CPLANE1: variants seen among roughly 807,000 people sequenced by gnomAD.
CPLANE1 encodes ciliogenesis and planar polarity effector 1.
CPLANE1 carries 263 observed loss-of-function variants against 362.5 expected under a neutral mutation model. That is an observed-to-expected ratio of 0.73 (90% CI 0.66 to 0.80). The LOEUF is 0.80. Ranked by LOEUF, CPLANE1 falls within the 30% of genes least tolerant of loss-of-function variation. The pLI is 0.00. For synonymous variants in CPLANE1, 1,212 were observed against 1,302.6 expected (o/e 0.93, Z 1.50); for missense variants, 3,461 against 3,793.4 (o/e 0.91, Z 2.30).
intron 32 of CPLANE1, 152 bp from the exon 33 acceptor site, chr5:37,170,483 AT>A (rs569232515): frequency 0.18 from 105,870 of 593,952 alleles, 157 homozygotes; most frequent in Middle Eastern, 0.25. Context: ...AGTCAGGGAA[AT>A]TTTTTTTTTT....
At chr5:37,245,949 T>G (rs1184279689) in intron 2 of CPLANE1, 104 bp from the exon 3 acceptor site, 19 of 1,111,132 alleles carry the variant, frequency 1.7e-5, no homozygotes, top group Non-Finnish European at 2.3e-5. Context: ...TAAGAAAGAT[T>G]ATCCATTTGT....
intron 12 of CPLANE1, 142 bp from the exon 13 acceptor site, chr5:37,224,882 C>A: frequency 1.9e-5 from 9 of 466,968 alleles, no homozygotes; most frequent in South Asian, 1.3e-4. Context: ...AAATATAGTG[C>A]AAAATAAAAT....
At chr5:37,157,494 G>T (rs1241423447) in intron 40 of CPLANE1, 74 bp from the exon 41 acceptor site, 2 of 1,213,522 alleles carry the variant, frequency 1.6e-6, no homozygotes, top group African/African-American at 3.0e-5. Context: ...TTCAAAGACT[G>T]ATTCTAAACT....
downstream of CPLANE1, among the ~76,000 whole-genome samples, chr5:37,103,879 T>C (rs1757415797): frequency 6.6e-6 from 1 of 152,168 alleles, no homozygotes; most frequent in East Asian, 1.9e-4. Flanking sequence ...GAACTGGGGT[T>C]CTCAGGATTT....
At chr5:37,205,544 A>C in intron 17 of CPLANE1, 90 bp from the exon 18 acceptor site, 6 of 873,052 alleles carry the variant, frequency 6.9e-6, no homozygotes, top group Non-Finnish European at 1.0e-5. Flanking sequence ...TGAAAGTTTA[A>C]GAAACAATGG....
chr5:37,224,295 C>A lies in CPLANE1; in HGVS notation c.2539G>T (p.Val847Phe), dbSNP rs1426431422. Residue 847 changes from valine (V) to phenylalanine (F), a missense_variant, in exon 14 of 53, where the codon GTT becomes TTT. Physicochemically the swap from Val to Phe is conservative, Grantham distance 50 (BLOSUM62 -1). Transcript: ENST00000651892. ...TGTAGAGCTTTTTTCCACAGCTGAA[C>A]AGACTTTTCATATGATCCTAATAAA... ...CFLLGSYEKSVQLWKKALQEI... is the reference protein window; with the variant it reads ...CFLLGSYEKSFQLWKKALQEI... The A allele has an allele frequency of 3.2e-6, 5 of 1,549,694 alleles. No homozygotes were observed. The highest frequency in any genetic ancestry group is 4.4e-6 in the Non-Finnish European group (5 of 1,146,274).
At chr5:37,138,158 C>A (rs188312619) in intron 46 of CPLANE1, among the ~76,000 whole-genome samples, 1 of 152,262 alleles carries the variant, frequency 6.6e-6, no homozygotes, top group African/African-American at 2.4e-5. Flanking sequence ...CCCACTATTA[C>A]TACGTGGTTG....
intron 47 of CPLANE1, among the ~76,000 whole-genome samples, chr5:37,124,441 C>A (rs572818580): frequency 6.6e-6 from 1 of 151,956 alleles, no homozygotes; most frequent in Non-Finnish European, 1.5e-5. Flanking sequence ...AAAACAAAAA[C>A]CACACACACA....
intron 33 of CPLANE1, 56 bp downstream of exon 33, chr5:37,169,985 G>T: frequency 6.5e-7 from 1 of 1,547,608 alleles, no homozygotes; most frequent in South Asian, 1.2e-5. Context: ...AAAGTGCTGG[G>T]ATTACAGACA....
rs1561723868 is a variant in CPLANE1, at chr5:37,244,556, A to C, written c.389T>G (p.Val130Gly). 6.4e-7 allele frequency: 1 copy of C among 1,551,718 alleles called. No individual in the cohort carries two copies. Among genetic ancestry groups the C allele is most frequent in the East Asian group, 2.4e-5 (1 of 40,914 alleles). The change falls in exon 5 of 53, where the codon GTG becomes GGG. Residue 130 changes from valine to glycine, a missense_variant. Around this residue, in one of 2 missense-constraint regions of CPLANE1, gnomAD observed 3,380 missense variants for 3,666.1 expected, o/e 0.92. Transcript: ENST00000651892. Reference protein sequence around the residue: ...LYVSGNGKRIVLITPSGCIFL... With the variant: ...LYVSGNGKRIGLITPSGCIFL... The stretch of plus-strand genomic sequence containing the variant: ...TATGCATCCAGAAGGTGTTATGAGC[A>C]CAATTCTTTTCCCATTTCCAGATAC...
chr5:37,209,826 G>C lies in CPLANE1; in HGVS notation c.2921-3401C>G. 7.4e-7 allele frequency: 1 copy of C among 1,356,082 alleles called. No homozygotes were observed. Among genetic ancestry groups the C allele is most frequent in the East Asian group, 2.3e-5 (1 of 43,592 alleles). 84.0% of individuals were successfully genotyped at this position (1,356,082 alleles called of 1,614,324 possible). On this transcript the variant is annotated intron_variant, in intron 16 of 52. Transcript: ENST00000651892. The surrounding 1 kb of genome is among the most constrained non-coding windows in gnomAD (Gnocchi z 4.6). ...ATTGGCAGAATATCATCAAGCTAAA[G>C]AAAGTTGTAATATGGAAACTCAGAC... is the stretch of plus-strand genomic sequence containing the variant.
rs1757987894 is a variant in CPLANE1 at position 37,107,889 on chromosome 5, C to T, written c.9580-111G>A. Reference sequence around the variant, plus strand: ...GCTTTCCAAAAATTCTAGAGTTGCTCATCCATCAAAAGGCTGAAGGAAATG... The same window carrying T: ...GCTTTCCAAAAATTCTAGAGTTGCTTATCCATCAAAAGGCTGAAGGAAATG... On this transcript the variant is annotated intron_variant, in intron 52 of 52. Transcript: ENST00000651892. 5 of 1,437,162 alleles carry T rather than the reference C, an allele frequency of 3.5e-6. No individual in the cohort carries two copies. The African/African-American group carries it at 7.2e-5, about 21-fold the overall frequency. The allele number at this position is 1,437,162 out of a possible 1,614,324, so 89.0% of individuals were successfully genotyped here.
In CPLANE1 at chr5:37,169,002, A is replaced by G. The variant is rs1400751781; in HGVS notation, c.7022T>C (p.Leu2341Pro). The change falls in exon 34 of 53, where the codon CTA becomes CCA. Residue 2341 changes from leucine to proline, a missense_variant. Leu to Pro is a moderately conservative substitution (Grantham distance 98). Around this residue, in one of 2 missense-constraint regions of CPLANE1, gnomAD observed 3,380 missense variants for 3,666.1 expected, o/e 0.92. Coordinates refer to ENST00000651892, the MANE Select transcript of CPLANE1 (RefSeq NM_001384732.1). ...DSSVFIKPEK[L>P]FDVKPGTLEI... ...AAGGGTCCCTGGCTTAACATCAAAT[A>G]GTTTTTCTGGTTTTATAAACACTGA... is the stretch of plus-strand genomic sequence containing the variant. 3 of 1,613,986 alleles carry G rather than the reference A, an allele frequency of 1.9e-6. No individual in the cohort carries two copies. The highest frequency in any genetic ancestry group is 1.1e-5 in the South Asian group (1 of 91,088).
chr5:37,174,529 C>T (rs1433114957), intron 31 of CPLANE1, among the ~76,000 whole-genome samples: 1 of 150,862 alleles, frequency 6.6e-6, no homozygotes, highest in Non-Finnish European at 1.5e-5. Context: ...TGCTTATTTA[C>T]AAATAAAAAT....
the CPLANE1 span, among the ~76,000 whole-genome samples, chr5:37,099,011 A>G: frequency 6.6e-6 from 1 of 152,122 alleles, no homozygotes; most frequent in African/African-American, 2.4e-5. Flanking sequence ...AGAACAAAAC[A>G]AACACAAAAT....
rs1172739235 is a variant in CPLANE1, at chr5:37,209,267, G to C, written c.2921-2842C>G. On this transcript the variant is annotated intron_variant, in intron 16 of 52. Coordinates refer to ENST00000651892, the MANE Select transcript of CPLANE1 (RefSeq NM_001384732.1). The surrounding 1 kb of genome is among the most constrained non-coding windows in gnomAD (Gnocchi z 4.6). ...ACAGAAGCAGGGCTCTGGAGGGCAG[G>C]GATTCCCCCTCGTCTTGGCCCTACA... The C allele has an allele frequency of 1.4e-6, 1 of 704,986 alleles. No homozygotes were observed. The highest frequency in any genetic ancestry group is 1.7e-5 in the African/African-American group (1 of 57,516). The allele number at this position is 704,986 out of a possible 1,614,324, so 43.7% of individuals were successfully genotyped here.
chr5:37,079,262 T>C, the CPLANE1 span, among the ~76,000 whole-genome samples: 4 of 152,338 alleles, frequency 2.6e-5, no homozygotes, highest in East Asian at 1.9e-4. Flanking sequence ...GTTTCAATTT[T>C]CTGCATACGG....
chr5:37,149,228 T>C (rs967929017), intron 42 of CPLANE1, among the ~76,000 whole-genome samples: 3 of 152,108 alleles, frequency 2.0e-5, no homozygotes, highest in Non-Finnish European at 4.4e-5. Context: ...GAACCTTATA[T>C]ATAGTTGTCC....
At chr5:37,147,099 GCTGA>G (rs1771887948) in intron 43 of CPLANE1, among the ~76,000 whole-genome samples, 1 of 152,140 alleles carries the variant, frequency 6.6e-6, no homozygotes, top group Non-Finnish European at 1.5e-5. Flanking sequence ...AACGGATCAA[GCTGA>G]CTAATCAGAA....
Sources: allele counts gnomAD v4.1 joint callset (sites outside exome capture counted in the v4.1 genomes callset), GRCh38; gene constraint gnomAD v4.1.1; regional missense constraint gnomAD v4.1.1; non-coding constraint Gnocchi (gnomAD v3.1); transcripts MANE v1.5; gene names NCBI Gene and HGNC (gene_info 2026-07-23, HGNC 2026-07-21).